Variants in LAPTM4B observed in about 807,000 individuals in gnomAD.
The protein encoded by LAPTM4B is lysosomal-associated transmembrane protein 4B.
Under a neutral mutation model 28.5 loss-of-function variants are expected in LAPTM4B, and 26 were observed. That is an observed-to-expected ratio of 0.91 (90% confidence interval 0.67 to 1.27). The LOEUF (loss-of-function observed/expected upper bound fraction) is 1.27, where lower values mean the gene tolerates loss of function less well. LAPTM4B is among the 50% of genes most tolerant of loss of function. The probability of loss-of-function intolerance (pLI) is 0.00; values close to 1 mark genes in which losing one functional copy is unlikely to be tolerated. For missense variants in LAPTM4B, 288 were observed against 285.8 expected (o/e 1.01, Z -0.06); for synonymous variants, 109 against 106.4 (o/e 1.02, Z -0.15).
At chr8:97,789,255 A>T (rs1477678282) in intron 1 of LAPTM4B, among the ~76,000 whole-genome samples, 2 of 150,570 alleles carry the variant, frequency 1.3e-5, no homozygotes, top group Non-Finnish European at 3.0e-5. Flanking sequence ...TTGTATTTTT[A>T]GTAGAGATGG....
At chr8:97,781,917 A>G (rs904252209) in intron 1 of LAPTM4B, among the ~76,000 whole-genome samples, 1 of 150,756 alleles carries the variant, frequency 6.6e-6, no homozygotes, top group Non-Finnish European at 1.5e-5. Flanking sequence ...CATTTGGGTT[A>G]TTTCCAATTT....
intron 5 of LAPTM4B, among the ~76,000 whole-genome samples, chr8:97,823,042 C>T (rs1303732777): frequency 3.3e-5 from 5 of 151,994 alleles, no homozygotes; most frequent in Admixed American, 6.6e-5. Flanking sequence ...AGGGTTTCAT[C>T]GCGTTAGCCA....
At chr8:97,797,091 T>C (rs1372571090) in intron 1 of LAPTM4B, among the ~76,000 whole-genome samples, 2 of 152,226 alleles carry the variant, frequency 1.3e-5, no homozygotes, top group South Asian at 4.1e-4. Context: ...AGTGAGATCC[T>C]GTCTCAAATA....
At position 97,829,716 on chromosome 8, in the gene LAPTM4B, G is replaced by A. The variant is rs1244837546; in HGVS notation, c.603+4563G>A. Among the ~76,000 whole-genome samples, 8 of 149,622 alleles carry A rather than the reference G, an allele frequency of 5.3e-5. 1 individual carries two copies. The Admixed American group carries it at 5.3e-4, about 10-fold the overall frequency. ...TTCTTCTTTTTTTTTTTTGAGACAA[G>A]AGTCTTGCTCTGTAGCCCAAGCTGG... On this transcript the variant is annotated intron_variant, in intron 6 of 6. Coordinates refer to ENST00000521545, the MANE Select transcript of LAPTM4B (RefSeq NM_018407.6).
At chr8:97,789,173 A>G (rs1175596701) in intron 1 of LAPTM4B, among the ~76,000 whole-genome samples, 1 of 151,588 alleles carries the variant, frequency 6.6e-6, no homozygotes, top group African/African-American at 2.4e-5. Context: ...TCCCAGGTTC[A>G]AGCGATTGTC....
chr8:97,797,372 C>T (rs1816606261), intron 1 of LAPTM4B, among the ~76,000 whole-genome samples: 1 of 151,970 alleles, frequency 6.6e-6, no homozygotes, highest in Non-Finnish European at 1.5e-5. Flanking sequence ...ACCTCAGGTG[C>T]TCCTCCTGCC....
chr8:97,782,333 G>A (rs1816334808), intron 1 of LAPTM4B, among the ~76,000 whole-genome samples: 1 of 109,852 alleles, frequency 9.1e-6, no homozygotes. Flanking sequence ...CTATTGCCCA[G>A]GCTGGAGTGG....
At chr8:97,794,073 G>T (rs1816544984) in intron 1 of LAPTM4B, among the ~76,000 whole-genome samples, 1 of 152,116 alleles carries the variant, frequency 6.6e-6, no homozygotes, top group South Asian at 2.1e-4. Flanking sequence ...TCTGCCTTCT[G>T]GGTTCAAACT....
At chr8:97,805,307 C>A in intron 1 of LAPTM4B, 46 bp from the exon 2 acceptor site, 1 of 1,109,180 alleles carries the variant, frequency 9.0e-7, no homozygotes, top group Non-Finnish European at 1.3e-6. Context: ...GGATTGCATC[C>A]TGGGGTTACT....
chr8:97,835,191 A>G (rs1248001479), intron 6 of LAPTM4B, among the ~76,000 whole-genome samples: 1 of 152,188 alleles, frequency 6.6e-6, no homozygotes, highest in South Asian at 2.1e-4. Context: ...CTTATTCCAG[A>G]TACTAGGCCA....
chr8:97,816,042 T>A lies in LAPTM4B; in HGVS notation c.286-16T>A. ...AATATTGAACACATTAACTTTCTAT[T>A]TTCTGTTCTGTTTAGCAACGCGCAG... On this transcript the variant is annotated splice_polypyrimidine_tract_variant and intron_variant, in intron 3 of 6. Transcript: ENST00000521545. 6.3e-7 allele frequency: 1 copy of A among 1,591,074 alleles called. No individual in the cohort carries two copies.
chr8:97,777,645 C>T (rs1290299616), intron 1 of LAPTM4B, among the ~76,000 whole-genome samples: 4 of 152,156 alleles, frequency 2.6e-5, no homozygotes, highest in Non-Finnish European at 5.9e-5. Context: ...TAGTCAGTGC[C>T]TATCATGGCC....
intron 6 of LAPTM4B, among the ~76,000 whole-genome samples, chr8:97,844,092 G>A (rs1446360892): frequency 6.6e-6 from 1 of 150,394 alleles, no homozygotes; most frequent in African/African-American, 2.5e-5. Flanking sequence ...TGATTTTTGG[G>A]GGTGGGGGGA....
rs142228644 is a variant in LAPTM4B, at chr8:97,811,281, C to T, written c.212-4047C>T. Among the ~76,000 whole-genome samples, 14 of 152,268 alleles carry T rather than the reference C, an allele frequency of 9.2e-5. No homozygotes were observed. In the East Asian group the frequency reaches 2.7e-3, roughly 29 times the overall value. ...GGAGTGAAGGCTACACAACTCAGTC[C>T]TAGATATATACCCTAGGGAAACAGG... On this transcript the variant is annotated intron_variant, in intron 2 of 6. Coordinates refer to ENST00000521545, the MANE Select transcript of LAPTM4B (RefSeq NM_018407.6).
At chr8:97,777,150 T>G (rs992541981) in intron 1 of LAPTM4B, among the ~76,000 whole-genome samples, 3 of 135,914 alleles carry the variant, frequency 2.2e-5, no homozygotes, top group African/African-American at 8.3e-5. Context: ...TTTTTTTTTT[T>G]TTTTTTTTTT....
At chr8:97,780,087 T>G (rs1360669180) in intron 1 of LAPTM4B, among the ~76,000 whole-genome samples, 1 of 142,226 alleles carries the variant, frequency 7.0e-6, no homozygotes, top group Non-Finnish European at 1.5e-5. Flanking sequence ...AAATAAAGAA[T>G]AATAATAATA....
At chr8:97,780,630 T>C (rs1015462450) in intron 1 of LAPTM4B, among the ~76,000 whole-genome samples, 29 of 152,170 alleles carry the variant, frequency 1.9e-4, no homozygotes, top group African/African-American at 5.5e-4. Flanking sequence ...ATATTCCTGG[T>C]GAGGTAGATT....
chr8:97,832,587 A>G (rs1477397763), intron 6 of LAPTM4B, among the ~76,000 whole-genome samples: 1 of 152,138 alleles, frequency 6.6e-6, no homozygotes, highest in Admixed American at 6.5e-5. Context: ...TTCTCTTAAC[A>G]TAGTTGTATT....
At position 97,816,925 on chromosome 8, in the gene LAPTM4B, G is replaced by C. The variant is rs1321645673; in HGVS notation, c.408+745G>C. Among the ~76,000 whole-genome samples, 7 of 137,732 alleles carry C rather than the reference G, an allele frequency of 5.1e-5. No homozygotes were observed. The East Asian group carries it at 6.9e-4, about 13-fold the overall frequency. 90.4% of individuals were successfully genotyped at this position (137,732 alleles called of 152,430 possible). ...ACTGCACTCCAGCCTGGGCAATAGA[G>C]TGAGATCTCATCTAAAAAAAAAGAA... On this transcript the variant is annotated intron_variant, in intron 4 of 6. Transcript: ENST00000521545.
Sources: gnomAD v4.1 joint callset for allele counts (sites outside exome capture counted in the v4.1 genomes callset) on GRCh38, gnomAD v4.1.1 for gene constraint, MANE v1.5 for transcripts, NCBI Gene and HGNC (gene_info 2026-07-23, HGNC 2026-07-21) for gene names.